KCND3: variants seen among roughly 807,000 people sequenced by gnomAD.
The protein encoded by KCND3 is potassium voltage-gated channel subfamily D member 3, also known as A-type voltage-gated potassium channel KCND3.
Under a neutral mutation model 51.1 loss-of-function variants are expected in KCND3, and 9 were observed. The ratio of observed to expected loss-of-function variants is 0.18; its 90% confidence interval spans 0.11 to 0.31. KCND3 has a LOEUF of 0.31. KCND3 is among the 10% of genes least tolerant of loss of function. The probability of loss-of-function intolerance (pLI) is 1.00; values close to 1 mark genes in which losing one functional copy is unlikely to be tolerated. For synonymous variants in KCND3, 349 were observed against 368.0 expected (o/e 0.95, Z 0.59); for missense variants, 526 against 903.8 (o/e 0.58, Z 5.36).
Position 111,780,581 on chromosome 1 carries a change from C to A in KCND3, c.1371+109G>T. On this transcript the variant is annotated intron_variant, in intron 4 of 7. Transcript: ENST00000302127. The surrounding 1 kb of genome is among the most constrained non-coding windows in gnomAD (Gnocchi z 4.2). Reference sequence around the variant, plus strand: ...TGGGGAAAGTTTGGAAACGTGTCCTCCTTGGGGTTCATACTGGGGCTCTGG... The same window carrying A: ...TGGGGAAAGTTTGGAAACGTGTCCTACTTGGGGTTCATACTGGGGCTCTGG... 1 of 1,012,052 alleles carries A rather than the reference C, an allele frequency of 9.9e-7. No individual in the cohort carries two copies. Among genetic ancestry groups the A allele is most frequent in the South Asian group, 1.4e-5 (1 of 72,868 alleles). The allele number at this position is 1,012,052 out of a possible 1,614,324, so 62.7% of individuals were successfully genotyped here.
rs530479542 is a variant in KCND3 at position 111,806,484 on chromosome 1, A to G, written c.1107-19378T>C. 5.3e-5 allele frequency among the ~76,000 whole-genome samples: 8 copies of G among 152,334 alleles called. No homozygotes were observed. In the East Asian group the frequency reaches 1.5e-3, roughly 29 times the overall value. On this transcript the variant is annotated intron_variant, in intron 2 of 7. Transcript: ENST00000302127. Reference sequence around the variant, plus strand: ...ACCTGGGGACCATTTGATTGGGTTAAAATTTTTAACCATTGTTTTCTCATC... The same window carrying G: ...ACCTGGGGACCATTTGATTGGGTTAGAATTTTTAACCATTGTTTTCTCATC...
chr1:111,791,737 T>C (rs1235572107), intron 2 of KCND3, among the ~76,000 whole-genome samples: 1 of 152,236 alleles, frequency 6.6e-6, no homozygotes, highest in Non-Finnish European at 1.5e-5. Flanking sequence ...AAAAGGATTT[T>C]AACAGGTTGT....
At chr1:111,960,250 C>T (rs1156305152) in intron 2 of KCND3, among the ~76,000 whole-genome samples, 1 of 152,150 alleles carries the variant, frequency 6.6e-6, no homozygotes, top group African/African-American at 2.4e-5. Context: ...TCTCCTCTAC[C>T]CAAGCTGACT....
intron 2 of KCND3, among the ~76,000 whole-genome samples, chr1:111,830,358 T>C (rs1666780113): frequency 6.6e-6 from 1 of 152,214 alleles, no homozygotes; most frequent in African/African-American, 2.4e-5. Flanking sequence ...TCCTCAGACC[T>C]TGCACTCATT....
intron 2 of KCND3, among the ~76,000 whole-genome samples, chr1:111,881,609 A>T (rs536631878): frequency 4.5e-4 from 69 of 152,346 alleles, no homozygotes; most frequent in Non-Finnish European, 8.8e-4. Flanking sequence ...GTCACTCAGC[A>T]GCCACCTCTC....
chr1:111,857,300 G>A (rs1313414882), intron 2 of KCND3, among the ~76,000 whole-genome samples: 14 of 152,286 alleles, frequency 9.2e-5, no homozygotes, highest in Admixed American at 3.3e-4. Context: ...GGGTCACAGC[G>A]CGTGCTGAGG....
intron 2 of KCND3, among the ~76,000 whole-genome samples, chr1:111,904,489 A>G (rs974883194): frequency 6.6e-6 from 1 of 151,994 alleles, no homozygotes; most frequent in Non-Finnish European, 1.5e-5. Context: ...AACCCTCTCT[A>G]TGGGCAAAAC....
chr1:111,915,779 T>TAAA (rs1671185802), intron 2 of KCND3, among the ~76,000 whole-genome samples: 1 of 114,036 alleles, frequency 8.8e-6, no homozygotes, highest in Non-Finnish European at 2.0e-5. Context: ...AAAAAAAAAC[T>TAAA]GGAGTGACTA....
At chr1:111,884,131 T>C (rs1669461550) in intron 2 of KCND3, among the ~76,000 whole-genome samples, 1 of 152,190 alleles carries the variant, frequency 6.6e-6, no homozygotes, top group Non-Finnish European at 1.5e-5. Flanking sequence ...AATATGGAGA[T>C]GGGCCATTTT....
At chr1:111,848,812 T>A (rs1571735290) in intron 2 of KCND3, among the ~76,000 whole-genome samples, 1 of 152,182 alleles carries the variant, frequency 6.6e-6, no homozygotes, top group South Asian at 2.1e-4. Context: ...TGACGTGAGG[T>A]GGGCACAGGC....
At chr1:111,892,647 G>C (rs1258871965) in intron 2 of KCND3, among the ~76,000 whole-genome samples, 1 of 152,220 alleles carries the variant, frequency 6.6e-6, no homozygotes, top group Non-Finnish European at 1.5e-5. Flanking sequence ...ATACATGAAA[G>C]ATAATATAGT....
At chr1:111,955,490 C>T (rs979309737) in intron 2 of KCND3, among the ~76,000 whole-genome samples, 1 of 152,170 alleles carries the variant, frequency 6.6e-6, no homozygotes, top group African/African-American at 2.4e-5. Flanking sequence ...GGTAAATCAT[C>T]CCCTCCTCTG....
chr1:111,917,178 A>T (rs896046381), intron 2 of KCND3, among the ~76,000 whole-genome samples: 2 of 152,236 alleles, frequency 1.3e-5, no homozygotes, highest in African/African-American at 4.8e-5. Context: ...CCTTGGACTG[A>T]TAACAAGGCA....
At chr1:111,975,680 G>T (rs986384108) in intron 2 of KCND3, among the ~76,000 whole-genome samples, 1 of 152,148 alleles carries the variant, frequency 6.6e-6, no homozygotes, top group African/African-American at 2.4e-5. Context: ...AAGTCCTTGT[G>T]GTGGTCATGA....
chr1:111,828,327 A>G (rs1666673190), intron 2 of KCND3, among the ~76,000 whole-genome samples: 1 of 152,134 alleles, frequency 6.6e-6, no homozygotes, highest in African/African-American at 2.4e-5. Flanking sequence ...ACCTGTGGCC[A>G]TCTCAAAATA....
chr1:111,853,567 A>T (rs189733844), intron 2 of KCND3, among the ~76,000 whole-genome samples: 129 of 152,272 alleles, frequency 8.5e-4, no homozygotes, highest in African/African-American at 2.7e-3. Flanking sequence ...CCGGCACTCC[A>T]TAGCCTCATT....
Position 111,834,933 on chromosome 1 carries a change from G to C in KCND3, c.1107-47827C>G, listed in dbSNP as rs990446468. ...TCTTAAAATGTGGGCCCTGTTATGA[G>C]TGCAGAGAAGCCAACCCATTGCATC... On this transcript the variant is annotated intron_variant, in intron 2 of 7. Coordinates refer to ENST00000302127, the MANE Select transcript of KCND3 (RefSeq NM_001378969.1). 2.0e-5 allele frequency among the ~76,000 whole-genome samples: 3 copies of C among 152,204 alleles called. 1 individual carries two copies. The highest frequency in any genetic ancestry group is 2.0e-4 in the Admixed American group (3 of 15,284).
rs10591522 is a variant in KCND3, at chr1:111,809,650, CGTGT to C, written c.1107-22548_1107-22545del. Among the ~76,000 whole-genome samples, 114 of 149,912 alleles carry C rather than the reference CGTGT, an allele frequency of 7.6e-4. 4 individuals carry two copies. The South Asian group carries it at 0.021, about 28-fold the overall frequency. Reference sequence around the variant, plus strand: ...GACTTGGAAAAATTGTCACATTTCCCGTGTGTGTGTGTGTGTGTGTGTGTATGCG... The same window carrying C: ...GACTTGGAAAAATTGTCACATTTCCCGTGTGTGTGTGTGTGTGTGTATGCG... On this transcript the variant is annotated intron_variant, in intron 2 of 7. Coordinates refer to ENST00000302127, the MANE Select transcript of KCND3 (RefSeq NM_001378969.1).
intron 1 of KCND3, among the ~76,000 whole-genome samples, chr1:111,983,455 C>A (rs1166465853): frequency 6.6e-6 from 1 of 152,156 alleles, no homozygotes; most frequent in African/African-American, 2.4e-5. Flanking sequence ...AGCCCCTACT[C>A]CTTGCCCTAG....
Sources: allele counts gnomAD v4.1 joint callset (sites outside exome capture counted in the v4.1 genomes callset), GRCh38; gene constraint gnomAD v4.1.1; non-coding constraint Gnocchi (gnomAD v3.1); transcripts MANE v1.5; gene names NCBI Gene and HGNC (gene_info 2026-07-23, HGNC 2026-07-21).